The following TMTC2 variants were observed in gnomAD, a reference collection of about 807,000 sequenced individuals.
TMTC2 encodes protein O-mannosyl-transferase TMTC2.
TMTC2 carries 43 observed loss-of-function variants against 82.4 expected under a neutral mutation model. The observed-to-expected ratio is 0.52, with a 90% CI of 0.41 to 0.67. The LOEUF is 0.67. Among genes scored for constraint, TMTC2 ranks in the 30% least tolerant of loss-of-function variants. The pLI is 0.00. For synonymous variants in TMTC2, 408 were observed against 381.9 expected (o/e 1.07, Z -0.80); for missense variants, 919 against 1,012.4 (o/e 0.91, Z 1.25).
chr12:83,116,552 C>T (rs994558069), intron 11 of TMTC2, among the ~76,000 whole-genome samples: 1 of 152,160 alleles, frequency 6.6e-6, no homozygotes, highest in Admixed American at 6.5e-5. Flanking sequence ...ACATTGTCAC[C>T]AGCAGTGTAG....
chr12:82,813,036 A>G (rs927520434), intron 1 of TMTC2, among the ~76,000 whole-genome samples: 5 of 152,090 alleles, frequency 3.3e-5, no homozygotes, highest in Non-Finnish European at 7.4e-5. Flanking sequence ...AGTACTTTAC[A>G]TATGTATATA....
chr12:82,771,660 T>C (rs888953617), intron 1 of TMTC2, among the ~76,000 whole-genome samples: 2 of 152,194 alleles, frequency 1.3e-5, no homozygotes, highest in Admixed American at 1.3e-4. Context: ...ATTATATTGA[T>C]ATATGCATCA....
At chr12:82,736,647 G>A (rs1875140118) in intron 1 of TMTC2, among the ~76,000 whole-genome samples, 1 of 152,102 alleles carries the variant, frequency 6.6e-6, no homozygotes, top group Non-Finnish European at 1.5e-5. Flanking sequence ...ATTTTCTATG[G>A]TCTGGGCATT....
chr12:82,872,005 A>ACCC (rs61305687), intron 2 of TMTC2, among the ~76,000 whole-genome samples: 8 of 95,698 alleles, frequency 8.4e-5, no homozygotes, highest in East Asian at 3.5e-4. Context: ...GTTGAACAAC[A>ACCC]CCCCCCCCCC....
chr12:82,965,162 TTAACTC>T (rs1325840299), intron 5 of TMTC2, 53 bp downstream of exon 5: 20 of 1,335,874 alleles, frequency 1.5e-5, no homozygotes, highest in South Asian at 3.7e-5. Flanking sequence ...TATTTGAAAA[TTAACTC>T]TAATTTACAG....
At chr12:82,822,731 G>C (rs1422394452) in intron 1 of TMTC2, among the ~76,000 whole-genome samples, 2 of 152,136 alleles carry the variant, frequency 1.3e-5, no homozygotes, top group Non-Finnish European at 2.9e-5. Flanking sequence ...TGGAGATTTT[G>C]ACAATGGTAC....
intron 1 of TMTC2, among the ~76,000 whole-genome samples, chr12:82,846,570 G>A (rs1403465537): frequency 2.0e-5 from 3 of 151,984 alleles, no homozygotes; most frequent in Non-Finnish European, 4.4e-5. Context: ...ATATCTTGCT[G>A]TGCAGATATA....
chr12:83,124,563 CT>C (rs61668693), intron 11 of TMTC2, among the ~76,000 whole-genome samples: 721 of 138,222 alleles, frequency 5.2e-3, no homozygotes, highest in Middle Eastern at 7.4e-3. Context: ...TTGTTGAAAT[CT>C]TTTTTTTTTT....
chr12:82,858,008 T>C (rs1871345604), intron 2 of TMTC2, among the ~76,000 whole-genome samples: 1 of 152,250 alleles, frequency 6.6e-6, no homozygotes, highest in South Asian at 2.1e-4. Flanking sequence ...TTACTTTTCC[T>C]GAGTTGACTT....
chr12:82,801,021 C>T (rs1407782773), intron 1 of TMTC2, among the ~76,000 whole-genome samples: 3 of 152,072 alleles, frequency 2.0e-5, no homozygotes, highest in South Asian at 4.1e-4. Flanking sequence ...ATTTATAAAC[C>T]TTTTAAAAAG....
chr12:83,030,955 G>T (rs1881407113), intron 9 of TMTC2, 76 bp downstream of exon 9: 1 of 1,101,258 alleles, frequency 9.1e-7, no homozygotes, highest in Admixed American at 1.8e-5. Flanking sequence ...GGCTTTGCTG[G>T]CAAAGAACAT....
intron 11 of TMTC2, among the ~76,000 whole-genome samples, chr12:83,099,790 C>A (rs771240503): frequency 3.3e-5 from 5 of 152,094 alleles, no homozygotes; most frequent in Non-Finnish European, 5.9e-5. Context: ...AATGTATTCT[C>A]ACTCTTGATC....
chr12:82,691,398 C>G (rs1223924141), intron 1 of TMTC2, among the ~76,000 whole-genome samples: 1 of 152,058 alleles, frequency 6.6e-6, no homozygotes, highest in Non-Finnish European at 1.5e-5. Flanking sequence ...ACATCAAGCT[C>G]TTAATAATTC....
chr12:82,866,589 G>C (rs1034677631), intron 2 of TMTC2, among the ~76,000 whole-genome samples: 11 of 152,078 alleles, frequency 7.2e-5, no homozygotes, highest in Admixed American at 1.3e-4. Flanking sequence ...ACATCACTCA[G>C]CTCAATTTTC....
intron 1 of TMTC2, among the ~76,000 whole-genome samples, chr12:82,754,508 G>A (rs1326527479): frequency 6.6e-6 from 1 of 152,158 alleles, no homozygotes. Context: ...GCCGAGGCGG[G>A]TGGATCACTT....
At chr12:82,761,390 G>C (rs1362607492) in intron 1 of TMTC2, among the ~76,000 whole-genome samples, 1 of 152,172 alleles carries the variant, frequency 6.6e-6, no homozygotes, top group Non-Finnish European at 1.5e-5. Context: ...AATGAGGGTG[G>C]GGATGAGTAC....
intron 3 of TMTC2, among the ~76,000 whole-genome samples, chr12:82,917,767 A>G (rs530752422): frequency 2.0e-5 from 3 of 151,602 alleles, no homozygotes; most frequent in East Asian, 2.0e-4. Flanking sequence ...AGGCCCGGCT[A>G]ATTTTTTTGT....
At chr12:82,805,593 C>T (rs543411733) in intron 1 of TMTC2, among the ~76,000 whole-genome samples, 12 of 148,550 alleles carry the variant, frequency 8.1e-5, no homozygotes, top group South Asian at 2.1e-4. Flanking sequence ...CTGTAAGCTC[C>T]GTCTCCGGGG....
chr12:83,116,311 C>A (rs1160872611), intron 11 of TMTC2, among the ~76,000 whole-genome samples: 6 of 151,876 alleles, frequency 4.0e-5, no homozygotes, highest in East Asian at 1.9e-4. Context: ...TATATATATA[C>A]CACAGTTTCT....
Sources: allele counts gnomAD v4.1 joint callset (sites outside exome capture counted in the v4.1 genomes callset), GRCh38; gene constraint gnomAD v4.1.1; transcripts MANE v1.5; gene names NCBI Gene and HGNC (gene_info 2026-07-23, HGNC 2026-07-21).